DIAPH2: variants seen among roughly 807,000 people sequenced by gnomAD.
DIAPH2 encodes the protein diaphanous related formin 2.
DIAPH2 carries 35 observed loss-of-function variants against 92.7 expected under a neutral mutation model. The observed-to-expected ratio is 0.38, with a 90% CI of 0.29 to 0.50. The LOEUF is 0.50. DIAPH2 is among the 20% of genes least tolerant of loss of function. The pLI, the probability that DIAPH2 is intolerant of heterozygous loss-of-function variation, is 0.94. For missense variants in DIAPH2, 701 were observed against 819.5 expected (o/e 0.86, Z 1.77); for synonymous variants, 301 against 280.4 (o/e 1.07, Z -0.73).
chrX:97,007,079 C>T (rs2066188237), intron 17 of DIAPH2, among the ~76,000 whole-genome samples: 1 of 111,581 alleles, frequency 9.0e-6, no homozygotes, highest in South Asian at 3.9e-4. Flanking sequence ...ACTTTAGCCT[C>T]ATCCCCTTGC....
intron 26 of DIAPH2, among the ~76,000 whole-genome samples, chrX:97,504,495 G>T (rs754603129): frequency 8.9e-6 from 1 of 112,212 alleles, no homozygotes; most frequent in Non-Finnish European, 1.9e-5. Flanking sequence ...TTGTACAGCA[G>T]CAAGGGAAGA....
At chrX:97,375,968 T>C (rs1392727426) in intron 24 of DIAPH2, among the ~76,000 whole-genome samples, 1 of 111,105 alleles carries the variant, frequency 9.0e-6, no homozygotes, top group Non-Finnish European at 1.9e-5. Context: ...ACTAAGTGAA[T>C]CCCTCATTCT....
chrX:97,187,182 G>C (rs187714021), intron 22 of DIAPH2, among the ~76,000 whole-genome samples: 11 of 108,714 alleles, frequency 1.0e-4, no homozygotes, highest in Admixed American at 2.0e-4. Flanking sequence ...TGTAATAACA[G>C]GGAATATGGG....
intron 23 of DIAPH2, among the ~76,000 whole-genome samples, chrX:97,268,856 C>CTTT (rs747116851): frequency 9.2e-5 from 8 of 86,912 alleles, no homozygotes; most frequent in African/African-American, 2.2e-4. Flanking sequence ...TCTTTTCTTT[C>CTTT]TTTTTTTTTT....
chrX:97,407,851 A>T (rs951960413), intron 25 of DIAPH2, among the ~76,000 whole-genome samples: 1 of 112,034 alleles, frequency 8.9e-6, no homozygotes, highest in Non-Finnish European at 1.9e-5. Flanking sequence ...AAAAATATCA[A>T]AGAACTGCAA....
intron 26 of DIAPH2, among the ~76,000 whole-genome samples, chrX:97,582,463 G>GAA (rs1195079346): frequency 9.2e-6 from 1 of 108,548 alleles, no homozygotes; most frequent in Non-Finnish European, 1.9e-5. Flanking sequence ...ATTCTGGGTT[G>GAA]AAAATTCTTT....
At chrX:96,720,749 T>C in intron 1 of DIAPH2, among the ~76,000 whole-genome samples, 1 of 111,520 alleles carries the variant, frequency 9.0e-6, no homozygotes, top group Admixed American at 9.5e-5. Flanking sequence ...GGATTTTACT[T>C]GTGATAAATA....
At chrX:97,102,451 TTC>T (rs754513516) in intron 20 of DIAPH2, among the ~76,000 whole-genome samples, 1 of 112,241 alleles carries the variant, frequency 8.9e-6, no homozygotes, top group Non-Finnish European at 1.9e-5. Context: ...CTTTTACTTA[TTC>T]TCTGTCAAGC....
chrX:96,873,740 T>A (rs767735538), intron 4 of DIAPH2, among the ~76,000 whole-genome samples: 1 of 108,686 alleles, frequency 9.2e-6, no homozygotes, highest in South Asian at 4.0e-4. Flanking sequence ...CACAAATAAG[T>A]ACAAATAAAA....
chrX:97,026,454 G>T (rs922394332), intron 17 of DIAPH2, among the ~76,000 whole-genome samples: 2 of 112,156 alleles, frequency 1.8e-5, no homozygotes, highest in African/African-American at 6.5e-5. Context: ...TAATTATTTT[G>T]CAGTACATCT....
At chrX:96,802,379 T>C (rs1034714124) in intron 4 of DIAPH2, among the ~76,000 whole-genome samples, 25 of 112,203 alleles carry the variant, frequency 2.2e-4, no homozygotes, top group African/African-American at 6.2e-4. Flanking sequence ...TTTGTAAAAA[T>C]AGGCTTCAGG....
At chrX:97,289,563 T>TA (rs2068572523) in intron 23 of DIAPH2, among the ~76,000 whole-genome samples, 1 of 111,273 alleles carries the variant, frequency 9.0e-6, no homozygotes, top group Non-Finnish European at 1.9e-5. Context: ...GGGGAACTTT[T>TA]AAAAAATACT....
At chrX:97,122,083 A>AT in intron 21 of DIAPH2, among the ~76,000 whole-genome samples, 1 of 111,882 alleles carries the variant, frequency 8.9e-6, no homozygotes, top group East Asian at 2.8e-4. Context: ...GCATTGTAAC[A>AT]ATGTTTGGTT....
At chrX:97,320,149 A>AAAT (rs1050275816) in intron 23 of DIAPH2, among the ~76,000 whole-genome samples, 1 of 107,679 alleles carries the variant, frequency 9.3e-6, no homozygotes, top group East Asian at 2.9e-4. Flanking sequence ...TGATAATATT[A>AAAT]AATAATAATA....
At chrX:97,213,500 T>C (rs1163243160) in intron 22 of DIAPH2, among the ~76,000 whole-genome samples, 1 of 112,024 alleles carries the variant, frequency 8.9e-6, no homozygotes, top group Non-Finnish European at 1.9e-5. Context: ...GTCAAATTGC[T>C]GTTAGTTACC....
At chrX:96,885,675 A>C (rs921517456) in intron 5 of DIAPH2, among the ~76,000 whole-genome samples, 7 of 110,146 alleles carry the variant, frequency 6.4e-5, no homozygotes, top group Non-Finnish European at 1.1e-4. Flanking sequence ...TGTTTTCTTA[A>C]AATAAGATTA....
chrX:97,190,758 C>G (rs1464034523), intron 22 of DIAPH2, among the ~76,000 whole-genome samples: 2 of 104,698 alleles, frequency 1.9e-5, no homozygotes, highest in Non-Finnish European at 1.9e-5. Flanking sequence ...TTCTTGAACC[C>G]GGGAGGCGGA....
At chrX:96,875,278 G>A (rs1333624050) in intron 4 of DIAPH2, among the ~76,000 whole-genome samples, 2 of 111,621 alleles carry the variant, frequency 1.8e-5, no homozygotes, top group African/African-American at 6.5e-5. Context: ...TGTAATACAA[G>A]TGCTCAAAAA....
At chrX:96,969,010 CTT>C (rs1233308346) in intron 17 of DIAPH2, among the ~76,000 whole-genome samples, 1 of 112,260 alleles carries the variant, frequency 8.9e-6, no homozygotes, top group Admixed American at 9.4e-5. Flanking sequence ...TTTTGTTTGA[CTT>C]TGTCAAAATT....
Sources: gnomAD v4.1 joint callset for allele counts (sites outside exome capture counted in the v4.1 genomes callset) on GRCh38, gnomAD v4.1.1 for gene constraint, MANE v1.5 for transcripts, NCBI Gene and HGNC (gene_info 2026-07-23, HGNC 2026-07-21) for gene names.